STIM2: variants seen among roughly 807,000 people sequenced by gnomAD.
STIM2 encodes the protein stromal interaction molecule 2.
Under a neutral mutation model 85.8 loss-of-function variants are expected in STIM2, and 31 were observed. The observed-to-expected ratio is 0.36, with a 90% CI of 0.27 to 0.49. The LOEUF (loss-of-function observed/expected upper bound fraction) is 0.49, where lower values mean the gene tolerates loss of function less well. Among genes scored for constraint, STIM2 ranks in the 20% least tolerant of loss-of-function variants. The pLI is 0.98. For missense variants in STIM2, 841 were observed against 927.6 expected (o/e 0.91, Z 1.21); for synonymous variants, 356 against 331.1 (o/e 1.08, Z -0.82).
intron 1 of STIM2, among the ~76,000 whole-genome samples, chr4:26,917,199 A>C (rs950949472): frequency 5.3e-5 from 8 of 152,188 alleles, no homozygotes; most frequent in Admixed American, 3.3e-4. Context: ...ATGATTAGAA[A>C]ATGAAGATAA....
At chr4:26,974,245 A>T (rs1727092695) in intron 3 of STIM2, among the ~76,000 whole-genome samples, 1 of 152,084 alleles carries the variant, frequency 6.6e-6, no homozygotes, top group Non-Finnish European at 1.5e-5. Flanking sequence ...TTTAAGGTTA[A>T]TATTGTTATG....
At chr4:27,001,241 T>C (rs1728141065) in intron 5 of STIM2, among the ~76,000 whole-genome samples, 1 of 152,194 alleles carries the variant, frequency 6.6e-6, no homozygotes, top group Non-Finnish European at 1.5e-5. Flanking sequence ...AGCATTAAAA[T>C]AATATATTAG....
intron 1 of STIM2, among the ~76,000 whole-genome samples, chr4:26,865,981 T>A (rs868712221): frequency 1.4e-5 from 1 of 71,904 alleles, no homozygotes; most frequent in Non-Finnish European, 2.6e-5. Context: ...TCCTGTTAGA[T>A]AGCTACTGTT....
chr4:26,878,216 G>T (rs1251318926), intron 1 of STIM2, among the ~76,000 whole-genome samples: 2 of 152,086 alleles, frequency 1.3e-5, no homozygotes, highest in Non-Finnish European at 2.9e-5. Flanking sequence ...GGTTTTCCTG[G>T]TCTACCCTCA....
chr4:26,913,109 G>T (rs1035600930), intron 1 of STIM2, among the ~76,000 whole-genome samples: 5 of 152,198 alleles, frequency 3.3e-5, no homozygotes, highest in Admixed American at 3.3e-4. Flanking sequence ...TCCTGTTTAT[G>T]TTTATTCTTG....
chr4:26,907,218 G>C (rs1332461257), intron 1 of STIM2, among the ~76,000 whole-genome samples: 1 of 151,976 alleles, frequency 6.6e-6, no homozygotes, highest in Non-Finnish European at 1.5e-5. Context: ...GAGAGAGTGA[G>C]TCCCTAAATC....
intron 1 of STIM2, among the ~76,000 whole-genome samples, chr4:26,911,007 C>T (rs1023002492): frequency 3.9e-5 from 6 of 152,078 alleles, no homozygotes; most frequent in African/African-American, 9.7e-5. Context: ...GAGGCTGAGG[C>T]GGGCAGATCA....
intron 4 of STIM2, among the ~76,000 whole-genome samples, chr4:26,996,460 C>T (rs2109126399): frequency 6.6e-6 from 1 of 152,060 alleles, no homozygotes; most frequent in South Asian, 2.1e-4. Context: ...AGTCAACTTC[C>T]TTACATGCCC....
intron 11 of STIM2, among the ~76,000 whole-genome samples, chr4:27,021,800 G>T (rs979699040): frequency 2.6e-5 from 4 of 152,132 alleles, no homozygotes; most frequent in African/African-American, 9.7e-5. Flanking sequence ...AGGAATGGTG[G>T]ATTTGAGAGA....
intron 3 of STIM2, among the ~76,000 whole-genome samples, chr4:26,962,680 T>C (rs935783535): frequency 3.3e-5 from 5 of 151,978 alleles, no homozygotes; most frequent in Non-Finnish European, 5.9e-5. Context: ...ATGAAAGCCA[T>C]TTAAAAACTA....
intron 3 of STIM2, among the ~76,000 whole-genome samples, chr4:26,963,555 TA>T (rs1726565804): frequency 6.6e-6 from 1 of 152,158 alleles, no homozygotes; most frequent in Non-Finnish European, 1.5e-5. Flanking sequence ...TAGTAGAAAA[TA>T]AGGAAGTATG....
intron 1 of STIM2, among the ~76,000 whole-genome samples, chr4:26,903,790 T>C (rs767736312): frequency 1.3e-5 from 2 of 152,096 alleles, no homozygotes; most frequent in Non-Finnish European, 2.9e-5. Flanking sequence ...ACAAAAAGTG[T>C]CAAATTCGAT....
At chr4:27,016,368 T>C (rs909855397) in intron 10 of STIM2, among the ~76,000 whole-genome samples, 1 of 152,222 alleles carries the variant, frequency 6.6e-6, no homozygotes, top group Admixed American at 6.5e-5. Flanking sequence ...TTAGCTATTG[T>C]TAAGGAGATT....
chr4:26,964,864 CATCCACCTACAGAAGTTAAGTAA>C (rs1193301027), intron 3 of STIM2, among the ~76,000 whole-genome samples: 1 of 152,106 alleles, frequency 6.6e-6, no homozygotes, highest in African/African-American at 2.4e-5. Flanking sequence ...AAAGCATGTC[CATCCACCTACAGAAGTTAAGTAA>C]AGCCAGACGA....
At chr4:26,904,282 C>T (rs1186833406) in intron 1 of STIM2, among the ~76,000 whole-genome samples, 1 of 151,956 alleles carries the variant, frequency 6.6e-6, no homozygotes, top group Admixed American at 6.6e-5. Flanking sequence ...GTATAATTGA[C>T]AGACAATAAA....
intron 3 of STIM2, among the ~76,000 whole-genome samples, chr4:26,967,509 G>A (rs114558097): frequency 0.017 from 2,564 of 152,298 alleles, 36 homozygotes; most frequent in Non-Finnish European, 0.027. Flanking sequence ...ATAGTAGGGC[G>A]CATAGACTTG....
chr4:26,971,055 C>T (rs1726929772), intron 3 of STIM2, among the ~76,000 whole-genome samples: 2 of 152,164 alleles, frequency 1.3e-5, no homozygotes, highest in African/African-American at 4.8e-5. Flanking sequence ...TGAGAAGTGT[C>T]TGTTCATATC....
intron 5 of STIM2, among the ~76,000 whole-genome samples, 159 bp downstream of exon 5, chr4:26,999,506 G>A (rs1250523698): frequency 6.6e-6 from 1 of 152,088 alleles, no homozygotes; most frequent in Non-Finnish European, 1.5e-5. Flanking sequence ...TTATAAGATA[G>A]GATTTTCTGT....
At chr4:26,912,073 A>C (rs1230233626) in intron 1 of STIM2, among the ~76,000 whole-genome samples, 1 of 152,224 alleles carries the variant, frequency 6.6e-6, no homozygotes, top group Non-Finnish European at 1.5e-5. Context: ...CTCTGAAAAT[A>C]CTCACGTTGA....
Sources: gnomAD v4.1 joint callset for allele counts (sites outside exome capture counted in the v4.1 genomes callset) on GRCh38, gnomAD v4.1.1 for gene constraint, MANE v1.5 for transcripts, NCBI Gene and HGNC (gene_info 2026-07-23, HGNC 2026-07-21) for gene names.